The following WDR81 variants were observed in gnomAD, a reference collection of about 807,000 sequenced individuals.
The protein encoded by WDR81 is WD repeat domain 81, also known as WD repeat-containing protein 81.
In WDR81, 92 loss-of-function variants were observed where a neutral mutation model predicts 140.8. The observed-to-expected ratio is 0.65, with a 90% CI of 0.55 to 0.78. The LOEUF is 0.78. Ranked by LOEUF, WDR81 falls within the 30% of genes least tolerant of loss-of-function variation. WDR81 has a pLI of 0.00. For synonymous variants in WDR81, 1,183 were observed against 1,156.4 expected (o/e 1.02, Z -0.47); for missense variants, 2,502 against 2,636.4 (o/e 0.95, Z 1.12).
rs2151161204 is a variant in WDR81, at chr17:1,725,486, C to T, written c.527C>T (p.Ser176Leu). Residue 176 changes from serine to leucine, a missense_variant, in exon 1 of 10, where the codon TCA (serine) becomes TTA (leucine). Around this residue, in one of 3 missense-constraint regions of WDR81, gnomAD observed 547 missense variants for 513.8 expected, o/e 1.06. Transcript: ENST00000409644. ...CCCTCAGCTGTCCCTGCCTTGGACT[C>T]AGTACGGCAGGCTCTGCAGAGGGTC... is the stretch of plus-strand genomic sequence containing the variant. ...PAPSAVPALD[S>L]VRQALQRVYG... 1 of 1,548,122 alleles carries T rather than the reference C, an allele frequency of 6.5e-7. No individual in the cohort carries two copies. The highest frequency in any genetic ancestry group is 1.2e-5 in the South Asian group (1 of 84,064).
In WDR81 at chr17:1,734,240, G is replaced by T. The variant is rs375880028; in HGVS notation, c.5179+24G>T. 9.8e-6 allele frequency: 15 copies of T among 1,534,534 alleles called. No individual in the cohort carries two copies. In the Admixed American group the frequency reaches 1.1e-4, roughly 12 times the overall value. On this transcript the variant is annotated intron_variant, in intron 7 of 9. Transcript: ENST00000409644. ...AGGTGAGCGGGCCCAGGTGAGGCCTGTTCTCTTCCTGCTCCTGCGCCCCAC... is the reference window on the plus strand; with the variant it reads ...AGGTGAGCGGGCCCAGGTGAGGCCTTTTCTCTTCCTGCTCCTGCGCCCCAC...
intron 1 of WDR81, among the ~76,000 whole-genome samples, chr17:1,728,929 G>A (rs1241107608): frequency 2.0e-5 from 3 of 152,008 alleles, no homozygotes; most frequent in Admixed American, 6.6e-5. Context: ...CTCCAGCCTG[G>A]GCGACAGAGC....
rs1280372211 is a variant in WDR81 at position 1,726,876 on chromosome 17, G to A, written c.1917G>A (p.Glu639=). The part of the protein sequence containing the change: ...LPNGVGRPVL[E]ATPCEASWTR... ...ATGGAGTGGGCCGGCCAGTTTTAGA[G>A]GCCACTCCCTGTGAGGCTAGCTGGA... The change falls in exon 1 of 10, where the codon GAG becomes GAA. Residue 639 remains glutamate (E), a synonymous_variant. Transcript: ENST00000409644. The A allele has an allele frequency of 1.3e-6, 2 of 1,550,292 alleles. No individual in the cohort carries two copies. The highest frequency in any genetic ancestry group is 1.4e-5 in the African/African-American group (1 of 73,042).
chr17:1,723,167 C>T (rs944147393), upstream of WDR81, among the ~76,000 whole-genome samples: 1 of 152,212 alleles, frequency 6.6e-6, no homozygotes. Context: ...CTTGAGGAAT[C>T]ATGTTGCTTT....
Position 1,724,839 on chromosome 17 carries a change from CT to C in WDR81, c.-120del. The C allele has an allele frequency of 8.2e-7, 1 of 1,216,056 alleles. No individual in the cohort carries two copies. The highest frequency in any genetic ancestry group is 4.3e-5 in the Admixed American group (1 of 23,074). 75.3% of individuals were successfully genotyped at this position (1,216,056 alleles called of 1,614,324 possible). A position where few individuals can be genotyped will look rare whatever the true frequency, so the allele number is the denominator to read the frequency against. On this transcript the variant is annotated 5_prime_UTR_variant, in exon 1 of 10. Transcript: ENST00000409644. Reference sequence around the variant, plus strand: ...GCCGCCGCCGGCTTCCTGCGGCCGCCTCCGCCCCAGCCCCTGTCCCGCGCCC... The same window carrying C: ...GCCGCCGCCGGCTTCCTGCGGCCGCCCCGCCCCAGCCCCTGTCCCGCGCCC...
rs1025684355 is a variant in WDR81 at position 1,738,459 on chromosome 17, A to T, written c.*774A>T. ...TCTCTGCACCTCGGGTCTCTGCCAG[A>T]GGAAGACTTAAGCATCCCTGCGACC... On this transcript the variant is annotated 3_prime_UTR_variant, in exon 10 of 10. Coordinates refer to ENST00000409644, the MANE Select transcript of WDR81 (RefSeq NM_001163809.2). 3.1e-4 allele frequency: 47 copies of T among 152,916 alleles called. No homozygotes were observed. Among genetic ancestry groups the T allele is most frequent in the African/African-American group, 1.1e-3 (45 of 41,464 alleles). The allele number at this position is 152,916 out of a possible 1,614,324, so 9.5% of individuals were successfully genotyped here. A position where few individuals can be genotyped will look rare whatever the true frequency, so the allele number is the denominator to read the frequency against.
chr17:1,734,551 C>T (rs532714213), intron 7 of WDR81, among the ~76,000 whole-genome samples: 6 of 151,690 alleles, frequency 4.0e-5, no homozygotes, highest in Non-Finnish European at 7.4e-5. Context: ...GAGGCTGAGG[C>T]GGGTGGATCA....
Position 1,728,339 on chromosome 17 carries a change from A to AG in WDR81, c.3386dup (p.Ala1130CysfsTer12), listed in dbSNP as rs763229810. Reference sequence around the variant, plus strand: ...CTGGGTGAGGAGCGGGCTCCAGACGAGGGGGGTGCCCCCGTGGACAAGAGC... The same window carrying AG: ...CTGGGTGAGGAGCGGGCTCCAGACGAGGGGGGGTGCCCCCGTGGACAAGAGC... On this transcript the variant is annotated frameshift_variant, in exon 1 of 10. Transcript: ENST00000409644. LOFTEE classifies it high-confidence loss of function. 6.2e-7 allele frequency: 1 copy of AG among 1,612,862 alleles called. No individual in the cohort carries two copies. Among genetic ancestry groups the AG allele is most frequent in the Non-Finnish European group, 8.5e-7 (1 of 1,180,002 alleles).
chr17:1,717,656 CCCT>C (rs1237324192), intron 1 of WDR81, among the ~76,000 whole-genome samples: 2 of 152,194 alleles, frequency 1.3e-5, no homozygotes, highest in African/African-American at 4.8e-5. Context: ...TCCTTGCTTA[CCCT>C]CCTCCATCCC....
At chr17:1,718,878 G>T (rs1016280127) in intron 1 of WDR81, among the ~76,000 whole-genome samples, 2 of 152,122 alleles carry the variant, frequency 1.3e-5, no homozygotes, top group African/African-American at 2.4e-5. Context: ...AAAAGCACAG[G>T]CTTCGAGTCC....
In WDR81 at chr17:1,732,985, C is replaced by T. The variant is rs1904490421; in HGVS notation, c.4489+154C>T. The T allele has an allele frequency of 2.9e-5, 26 of 906,722 alleles. No individual in the cohort carries two copies. The South Asian group carries it at 4.6e-4, about 16-fold the overall frequency. The allele number at this position is 906,722 out of a possible 1,614,324, so 56.2% of individuals were successfully genotyped here. ...GGATTTGGCCTCAGACCCCTACCCC[C>T]AAGGTGACACACAAACAAGGACTGA... On this transcript the variant is annotated intron_variant, in intron 6 of 9. Coordinates refer to ENST00000409644, the MANE Select transcript of WDR81 (RefSeq NM_001163809.2).
Position 1,726,731 on chromosome 17 carries a change from G to A in WDR81, c.1772G>A (p.Arg591His), listed in dbSNP as rs1025369337. Reference protein sequence around the residue: ...VQLFDQPHPQRLAGAPALAPE... With the variant: ...VQLFDQPHPQHLAGAPALAPE... ...CTCTTCGATCAGCCACACCCCCAGC[G>A]CCTGGCTGGGGCTCCTGCCCTTGCC... Residue 591 changes from arginine to histidine, a missense_variant, in exon 1 of 10, where the codon CGC becomes CAC. Arg to His is a conservative substitution (Grantham distance 29, BLOSUM62 0). Around this residue, in one of 3 missense-constraint regions of WDR81, gnomAD observed 1,737 missense variants for 1,843.0 expected, o/e 0.94. Coordinates refer to ENST00000409644, the MANE Select transcript of WDR81 (RefSeq NM_001163809.2). 9.7e-6 allele frequency: 15 copies of A among 1,547,854 alleles called. No individual in the cohort carries two copies. The highest frequency in any genetic ancestry group is 2.4e-5 in the East Asian group (1 of 40,910).
At position 1,719,408 on chromosome 17, in the gene WDR81, G is replaced by T. The variant is rs537593229; in HGVS notation, c.-124+2775G>T. 2.8e-3 allele frequency among the ~76,000 whole-genome samples: 420 copies of T among 151,936 alleles called. 2 individuals carry two copies. Among genetic ancestry groups the T allele is most frequent in the African/African-American group, 9.8e-3 (405 of 41,408 alleles). On this transcript the variant is annotated intron_variant, in intron 1 of 10. Coordinates refer to the WDR81 transcript ENST00000309182. The stretch of plus-strand genomic sequence containing the variant: ...TAAACATACAAACAATTAGCCGGGC[G>T]TGGTGGCGGGCGCCTGTAGTGCCCA...
At chr17:1,722,621 A>G (rs1324946048), upstream of WDR81, among the ~76,000 whole-genome samples, 1 of 150,368 alleles carries the variant, frequency 6.7e-6, no homozygotes, top group Admixed American at 6.6e-5. Flanking sequence ...GCTGGGTTAC[A>G]GGCATGAGCC....
At position 1,725,917 on chromosome 17, in the gene WDR81, G is replaced by A. The variant is rs1324009958; in HGVS notation, c.958G>A (p.Ala320Thr). The change falls in exon 1 of 10, where the codon GCA becomes ACA. Residue 320 changes from alanine to threonine, a missense_variant. By Grantham distance (58) the Ala-to-Thr change is moderately conservative. Transcript: ENST00000409644. ...GGACGAGAATGAGGAGGCCCCTGTG[G>A]CAAGGGATGAGGCGGGCATTGTGTC... ...EEDENEEAPV[A>T]RDEAGIVSQE... 21 of 1,550,826 alleles carry A rather than the reference G, an allele frequency of 1.4e-5. No individual in the cohort carries two copies. The highest frequency in any genetic ancestry group is 2.4e-5 in the East Asian group (1 of 40,918).
In WDR81 at chr17:1,727,014, G is replaced by A. The variant is rs1320621451; in HGVS notation, c.2055G>A (p.Ala685=). The change falls in exon 1 of 10, where the codon GCG becomes GCA. Residue 685 remains alanine (A), a synonymous_variant. Transcript: ENST00000409644. Reference sequence around the variant, plus strand: ...ACCAGCTGGGCTCCTCCAGTCAAGCGTCCCCTGGACTTCTCTCTTTCTCAG... The same window carrying A: ...ACCAGCTGGGCTCCTCCAGTCAAGCATCCCCTGGACTTCTCTCTTTCTCAG... ...AGDQLGSSSQ[A]SPGLLSFSVA... 8 of 1,550,368 alleles carry A rather than the reference G, an allele frequency of 5.2e-6. No homozygotes were observed. The highest frequency in any genetic ancestry group is 2.4e-5 in the South Asian group (2 of 84,058).
In WDR81 at chr17:1,725,432, A is replaced by T; in HGVS notation, c.473A>T (p.Tyr158Phe). The T allele has an allele frequency of 1.3e-6, 2 of 1,549,454 alleles. No individual in the cohort carries two copies. The highest frequency in any genetic ancestry group is 1.7e-6 in the Non-Finnish European group (2 of 1,146,974). The change falls in exon 1 of 10, where the codon TAC becomes TTC. Residue 158 changes from tyrosine (Y) to phenylalanine (F), a missense_variant. Transcript: ENST00000409644. ...CTGTGGCGCCATGCATACCACACTT[A>T]CGGCCAGCCGTACAGTCACAGCCCT... The part of the protein sequence containing the change: ...RNLWRHAYHT[Y>F]GQPYSHSPAP...
chr17:1,732,410 G>T lies in WDR81; in HGVS notation c.4243G>T (p.Glu1415Ter). ...IALICLRIGQ[E>*]MVQQHLSEPV... is the part of the protein sequence containing the mutation. ...CCTCATCTGCCTGCGCATTGGACAGGAGATGGTCCAGCAGCACCTGAGCGA... is the reference window on the plus strand; with the variant it reads ...CCTCATCTGCCTGCGCATTGGACAGTAGATGGTCCAGCAGCACCTGAGCGA... Residue 1415 changes from glutamate (E) to a stop codon, truncating the protein, a stop_gained, in exon 5 of 10, where the codon GAG becomes TAG. Transcript: ENST00000409644. LOFTEE classifies it high-confidence loss of function. 1.2e-6 allele frequency: 2 copies of T among 1,613,678 alleles called. No homozygotes were observed. Among genetic ancestry groups the T allele is most frequent in the Non-Finnish European group, 1.7e-6 (2 of 1,180,020 alleles).
intron 9 of WDR81, 111 bp downstream of exon 9, chr17:1,736,329 T>C (rs1432984364): frequency 5.3e-6 from 7 of 1,309,602 alleles, no homozygotes; most frequent in Non-Finnish European, 5.1e-6. Flanking sequence ...GTCTGTCTTA[T>C]ATACCTGGTC....
Sources: gnomAD v4.1 joint callset for allele counts (sites outside exome capture counted in the v4.1 genomes callset) on GRCh38, gnomAD v4.1.1 for gene constraint, gnomAD v4.1.1 regional missense constraint, MANE v1.5 for transcripts, NCBI Gene and HGNC (gene_info 2026-07-23, HGNC 2026-07-21) for gene names.